CDH4: variants seen among roughly 807,000 people sequenced by gnomAD.
CDH4 encodes the protein cadherin 4.
In CDH4, 33 loss-of-function variants were observed where a neutral mutation model predicts 86.0. The ratio of observed to expected loss-of-function variants is 0.38; its 90% CI spans 0.29 to 0.51. The LOEUF is 0.51. Ranked by LOEUF, CDH4 falls within the 20% of genes least tolerant of loss-of-function variation. The probability of loss-of-function intolerance (pLI) is 0.86; values close to 1 mark genes in which losing one functional copy is unlikely to be tolerated. For synonymous variants in CDH4, 555 were observed against 549.4 expected (o/e 1.01, Z -0.14); for missense variants, 1,114 against 1,307.4 (o/e 0.85, Z 2.28).
intron 2 of CDH4, among the ~76,000 whole-genome samples, chr20:61,312,218 GTGTGTGTGGTGTGTGCA>G (rs2084449946): frequency 1.3e-5 from 2 of 149,664 alleles, no homozygotes; most frequent in South Asian, 4.2e-4. Flanking sequence ...TATGTGCGGT[GTGTGTGTGGTGTGTGCA>G]TGTGTGTGGT....
At chr20:61,440,606 C>T (rs1233025429) in intron 2 of CDH4, among the ~76,000 whole-genome samples, 2 of 152,256 alleles carry the variant, frequency 1.3e-5, no homozygotes, top group Admixed American at 1.3e-4. Flanking sequence ...AAATTTCAAC[C>T]CTGGTTTTCA....
intron 2 of CDH4, among the ~76,000 whole-genome samples, chr20:61,449,971 G>C (rs1178884442): frequency 1.3e-5 from 2 of 152,344 alleles, no homozygotes; most frequent in African/African-American, 4.8e-5. Context: ...TGCAAAACCA[G>C]CGAGAACTCT....
intron 2 of CDH4, among the ~76,000 whole-genome samples, chr20:61,469,106 A>G (rs1190814534): frequency 6.6e-6 from 1 of 152,040 alleles, no homozygotes; most frequent in Non-Finnish European, 1.5e-5. Flanking sequence ...CCCTATTTTT[A>G]GTTTTTTTGA....
chr20:61,862,722 A>G (rs998355463), intron 6 of CDH4, among the ~76,000 whole-genome samples: 1 of 152,188 alleles, frequency 6.6e-6, no homozygotes, highest in Non-Finnish European at 1.5e-5. Flanking sequence ...ACACCTCCGT[A>G]TTGATGATTT....
chr20:61,801,696 T>C (rs6061833), intron 4 of CDH4, among the ~76,000 whole-genome samples: 50,094 of 151,966 alleles, frequency 0.33, 8,946 homozygotes, highest in African/African-American at 0.47. Flanking sequence ...GCCCCACCTC[T>C]GTGGCTCCTG....
intron 2 of CDH4, among the ~76,000 whole-genome samples, chr20:61,574,145 G>T (rs2145709946): frequency 6.6e-6 from 1 of 152,342 alleles, no homozygotes; most frequent in Middle Eastern, 3.4e-3. Flanking sequence ...GGAGCTTGCT[G>T]GGCGTGGTGA....
intron 2 of CDH4, among the ~76,000 whole-genome samples, chr20:61,535,767 A>G (rs1323397388): frequency 2.0e-5 from 3 of 151,438 alleles, no homozygotes; most frequent in Non-Finnish European, 4.4e-5. Flanking sequence ...GGGCGTTTGA[A>G]TCCCCTGTAC....
chr20:61,552,377 A>C (rs1197137074), intron 2 of CDH4, among the ~76,000 whole-genome samples: 1 of 152,270 alleles, frequency 6.6e-6, no homozygotes, highest in Non-Finnish European at 1.5e-5. Flanking sequence ...GTGTAACGTC[A>C]TTAGTAAGTA....
At chr20:61,926,397 G>A (rs1568892971) in intron 11 of CDH4, among the ~76,000 whole-genome samples, 1 of 152,184 alleles carries the variant, frequency 6.6e-6, no homozygotes, top group Non-Finnish European at 1.5e-5. Context: ...GACAGGACGT[G>A]GACACCCCCC....
Position 61,937,208 on chromosome 20 carries a change from G to C in CDH4, c.*265G>C, listed in dbSNP as rs2055202865. ...TTCACTTGAATTTCCTAGAACAGAA[G>C]CACTGTTTTTAAAAAAAAAAAAAAA... On this transcript the variant is annotated 3_prime_UTR_variant, in exon 16 of 16. Coordinates refer to ENST00000614565, the MANE Select transcript of CDH4 (RefSeq NM_001794.5). 9.1e-6 allele frequency: 1 copy of C among 109,386 alleles called. No homozygotes were observed. Among genetic ancestry groups the C allele is most frequent in the Non-Finnish European group, 1.6e-5 (1 of 60,610 alleles). The allele number at this position is 109,386 out of a possible 1,614,324, so 6.8% of individuals were successfully genotyped here.
At position 61,501,973 on chromosome 20, in the gene CDH4, C is replaced by A. The variant is rs150352995; in HGVS notation, c.170-241590C>A. On this transcript the variant is annotated intron_variant, in intron 2 of 15. Coordinates refer to ENST00000614565, the MANE Select transcript of CDH4 (RefSeq NM_001794.5). The surrounding 1 kb of genome is among the most constrained non-coding windows in gnomAD (Gnocchi z 4.2). ...AAGATGAACCGAGTGGGCACGTTAG[C>A]CCAGGCCGTTACCCTTTAGTGGGCG... 1.3e-5 allele frequency among the ~76,000 whole-genome samples: 2 copies of A among 152,246 alleles called. No individual in the cohort carries two copies. The highest frequency in any genetic ancestry group is 3.9e-4 in the East Asian group (2 of 5,178).
intron 2 of CDH4, among the ~76,000 whole-genome samples, chr20:61,686,904 C>T (rs1600874147): frequency 6.6e-6 from 1 of 152,184 alleles, no homozygotes. Flanking sequence ...CAGATCCTCT[C>T]GAGTCAGGTT....
At chr20:61,737,286 A>G (rs2088277126) in intron 2 of CDH4, among the ~76,000 whole-genome samples, 1 of 152,148 alleles carries the variant, frequency 6.6e-6, no homozygotes, top group African/African-American at 2.4e-5. Context: ...CTTGTCCAGA[A>G]CAGGAGGCCA....
chr20:61,813,386 A>C (rs1490998164), intron 4 of CDH4, among the ~76,000 whole-genome samples: 3 of 152,088 alleles, frequency 2.0e-5, no homozygotes, highest in African/African-American at 4.8e-5. Context: ...CCAGTGCCCC[A>C]CATGTGCTGA....
chr20:61,581,783 C>T (rs143183026), intron 2 of CDH4, among the ~76,000 whole-genome samples: 4 of 152,180 alleles, frequency 2.6e-5, no homozygotes, highest in Non-Finnish European at 5.9e-5. Context: ...GACATGGACA[C>T]CTTTAGGGAC....
chr20:61,852,741 G>T lies in CDH4; in HGVS notation c.733-13G>T, dbSNP rs1982784119. ...CCACCCGCCACTGGGCCCTGTCTCT[G>T]CTGCTTTTCCAGCTCCGAGCCCACG... On this transcript the variant is annotated splice_polypyrimidine_tract_variant and intron_variant, in intron 5 of 15. Transcript: ENST00000614565. The T allele has an allele frequency of 1.9e-6, 3 of 1,605,566 alleles. No homozygotes were observed. In the South Asian group the frequency reaches 3.3e-5, roughly 18 times the overall value.
At chr20:61,693,531 C>T (rs1286044450) in intron 2 of CDH4, among the ~76,000 whole-genome samples, 3 of 152,268 alleles carry the variant, frequency 2.0e-5, no homozygotes, top group East Asian at 1.9e-4. Context: ...CCACTCAGCA[C>T]CTGCTCCACA....
chr20:61,854,276 C>T (rs1982879603), intron 6 of CDH4, among the ~76,000 whole-genome samples: 1 of 152,194 alleles, frequency 6.6e-6, no homozygotes, highest in Non-Finnish European at 1.5e-5. Context: ...AGCTCTGGGA[C>T]TGGAAGGCAG....
Position 61,811,344 on chromosome 20 carries a change from C to T in CDH4, c.577-33324C>T, listed in dbSNP as rs1980425819. Among the ~76,000 whole-genome samples the T allele has an allele frequency of 6.6e-6, 1 of 152,172 alleles. No homozygotes were observed. Among genetic ancestry groups the T allele is most frequent in the African/African-American group, 2.4e-5 (1 of 41,434 alleles). On this transcript the variant is annotated intron_variant, in intron 4 of 15. Transcript: ENST00000614565. The surrounding 1 kb of genome is among the most constrained non-coding windows in gnomAD (Gnocchi z 4.4). ...TCATCGGGGGTGGGAATGAAATGCC[C>T]CTTCCCGGCTTACACAGACACAGCC...
Sources: allele counts gnomAD v4.1 joint callset (sites outside exome capture counted in the v4.1 genomes callset), GRCh38; gene constraint gnomAD v4.1.1; non-coding constraint Gnocchi (gnomAD v3.1); transcripts MANE v1.5; gene names NCBI Gene and HGNC (gene_info 2026-07-23, HGNC 2026-07-21).